The following PARD3 variants were observed in gnomAD, a reference collection of about 807,000 sequenced individuals.
PARD3 encodes the protein partitioning defective 3 homolog.
PARD3 carries 75 observed loss-of-function variants against 155.4 expected under a neutral mutation model. The ratio of observed to expected loss-of-function variants is 0.48; its 90% CI spans 0.40 to 0.58. The LOEUF (loss-of-function observed/expected upper bound fraction) is 0.58, where lower values mean the gene tolerates loss of function less well. Among genes scored for constraint, PARD3 ranks in the 20% least tolerant of loss-of-function variants. The probability of loss-of-function intolerance (pLI) is 0.00; values close to 1 mark genes in which losing one functional copy is unlikely to be tolerated. For missense variants in PARD3, 1,642 were observed against 1,721.7 expected (o/e 0.95, Z 0.82); for synonymous variants, 576 against 610.5 (o/e 0.94, Z 0.83).
In PARD3 at chr10:34,514,822, C is replaced by T. The variant is rs146401651; in HGVS notation, c.403+2157G>A. 9.2e-5 allele frequency among the ~76,000 whole-genome samples: 14 copies of T among 152,158 alleles called. No individual in the cohort carries two copies. The East Asian group carries it at 2.3e-3, about 25-fold the overall frequency. ...AGAGGAGTCAAAAGGTAAAAATTGACGGAAAGTATGTTAATCAAATTCATA... is the reference window on the plus strand; with the variant it reads ...AGAGGAGTCAAAAGGTAAAAATTGATGGAAAGTATGTTAATCAAATTCATA... On this transcript the variant is annotated intron_variant, in intron 3 of 24. Coordinates refer to ENST00000374788, the MANE Select transcript of PARD3 (RefSeq NM_001184785.2).
intron 1 of PARD3, among the ~76,000 whole-genome samples, chr10:34,723,036 C>T (rs2094633498): frequency 6.6e-6 from 1 of 152,080 alleles, no homozygotes; most frequent in Admixed American, 6.6e-5. Context: ...CTAATGAAAG[C>T]ATATTTTTAC....
intron 2 of PARD3, among the ~76,000 whole-genome samples, chr10:34,550,004 A>C (rs2084409176): frequency 6.6e-6 from 1 of 152,140 alleles, no homozygotes; most frequent in African/African-American, 2.4e-5. Context: ...ATGCTGCTTT[A>C]ATCACCAAGA....
At chr10:34,253,258 G>A (rs542092250) in intron 22 of PARD3, among the ~76,000 whole-genome samples, 1 of 152,294 alleles carries the variant, frequency 6.6e-6, no homozygotes, top group East Asian at 1.9e-4. Flanking sequence ...TTTGTGTCAA[G>A]TAGGTGCGCA....
intron 22 of PARD3, among the ~76,000 whole-genome samples, chr10:34,221,692 A>G: frequency 6.6e-6 from 1 of 152,182 alleles, no homozygotes. Context: ...AAGATGACAT[A>G]GAAAGAAAAA....
intron 24 of PARD3, among the ~76,000 whole-genome samples, chr10:34,112,340 T>C (rs1292891399): frequency 6.6e-6 from 1 of 152,224 alleles, no homozygotes. Flanking sequence ...AATTTCAAAT[T>C]CTTCCCACTT....
At chr10:34,688,030 T>C (rs1186482089) in intron 2 of PARD3, among the ~76,000 whole-genome samples, 1 of 151,816 alleles carries the variant, frequency 6.6e-6, no homozygotes, top group African/African-American at 2.4e-5. Context: ...AATTGTAGTA[T>C]TTTTTGTAGA....
intron 2 of PARD3, among the ~76,000 whole-genome samples, chr10:34,659,899 G>A (rs1326672049): frequency 1.3e-5 from 2 of 152,118 alleles, no homozygotes; most frequent in African/African-American, 2.4e-5. Context: ...TTCCGCGCAT[G>A]CATTTTCTTC....
intron 2 of PARD3, among the ~76,000 whole-genome samples, chr10:34,519,145 C>T (rs952933846): frequency 5.3e-5 from 8 of 151,952 alleles, no homozygotes; most frequent in Admixed American, 2.0e-4. Flanking sequence ...ACAAGGAGAA[C>T]GAGGAAATTG....
At chr10:34,272,749 C>CA (rs1050312276) in intron 21 of PARD3, among the ~76,000 whole-genome samples, 4 of 151,818 alleles carry the variant, frequency 2.6e-5, no homozygotes, top group African/African-American at 7.3e-5. Flanking sequence ...ATCAAACAAA[C>CA]AAAAAAACAA....
At chr10:34,434,322 T>A (rs2076087592) in intron 5 of PARD3, among the ~76,000 whole-genome samples, 2 of 152,284 alleles carry the variant, frequency 1.3e-5, no homozygotes, top group East Asian at 1.9e-4. Flanking sequence ...CCCTCACACT[T>A]AGAGTATTTC....
intron 22 of PARD3, among the ~76,000 whole-genome samples, chr10:34,135,494 C>A (rs749614445): frequency 1.3e-5 from 2 of 152,140 alleles, no homozygotes; most frequent in African/African-American, 4.8e-5. Flanking sequence ...ATAATTACTA[C>A]GGGGATTGCA....
At chr10:34,367,048 T>C (rs576690344) in intron 12 of PARD3, among the ~76,000 whole-genome samples, 1 of 152,308 alleles carries the variant, frequency 6.6e-6, no homozygotes, top group South Asian at 2.1e-4. Context: ...GGAAAAAATG[T>C]TTTGCACAAT....
At chr10:34,455,484 T>C (rs1186767981) in intron 4 of PARD3, among the ~76,000 whole-genome samples, 2 of 152,094 alleles carry the variant, frequency 1.3e-5, no homozygotes, top group African/African-American at 4.8e-5. Flanking sequence ...GTAAAATTAA[T>C]AATGATGGCT....
chr10:34,783,211 C>T (rs1228156613), intron 1 of PARD3, among the ~76,000 whole-genome samples: 1 of 152,172 alleles, frequency 6.6e-6, no homozygotes, highest in African/African-American at 2.4e-5. Flanking sequence ...TCTAAATACA[C>T]TCTCTAAAAT....
rs1840896199 is a variant in PARD3, at chr10:34,373,413, A to G, written c.1669-877T>C. The stretch of plus-strand genomic sequence containing the variant: ...GCTATATGCTGGCACTAACTCTGGA[A>G]AAGGCTGCTTAAGAGCAGTGTCTAA... On this transcript the variant is annotated intron_variant, in intron 11 of 24. Transcript: ENST00000374788. Among the ~76,000 whole-genome samples the G allele has an allele frequency of 2.0e-5, 3 of 152,150 alleles. No homozygotes were observed. The South Asian group carries it at 6.2e-4, about 31-fold the overall frequency.
intron 3 of PARD3, among the ~76,000 whole-genome samples, chr10:34,477,171 G>T (rs2078768795): frequency 6.6e-6 from 1 of 152,270 alleles, no homozygotes; most frequent in East Asian, 1.9e-4. Flanking sequence ...AGAAATAATA[G>T]GAGCTTCTCA....
At chr10:34,573,529 C>A (rs1405449598) in intron 2 of PARD3, among the ~76,000 whole-genome samples, 1 of 152,058 alleles carries the variant, frequency 6.6e-6, no homozygotes, top group Non-Finnish European at 1.5e-5. Flanking sequence ...TGGTAAAACA[C>A]CATCTCTACC....
chr10:34,235,190 AT>A (rs1251006670), intron 22 of PARD3, among the ~76,000 whole-genome samples: 1 of 152,144 alleles, frequency 6.6e-6, no homozygotes, highest in Non-Finnish European at 1.5e-5. Context: ...TTCTTCATTC[AT>A]TTTTTAAAGG....
chr10:34,245,450 G>C (rs976328735), intron 22 of PARD3, among the ~76,000 whole-genome samples: 1 of 135,510 alleles, frequency 7.4e-6, no homozygotes, highest in African/African-American at 2.4e-5. Context: ...GAGGGTGAGT[G>C]AGGCCACCCT....
Sources: gnomAD v4.1 joint callset for allele counts (sites outside exome capture counted in the v4.1 genomes callset) on GRCh38, gnomAD v4.1.1 for gene constraint, MANE v1.5 for transcripts, NCBI Gene and HGNC (gene_info 2026-07-23, HGNC 2026-07-21) for gene names.